Variants in CCDC3 observed in about 807,000 individuals in gnomAD.
CCDC3 encodes coiled-coil domain-containing protein 3.
A neutral mutation model predicts 21.4 loss-of-function variants in CCDC3; 24 were observed. That is an observed-to-expected ratio of 1.12 (90% CI 0.81 to 1.58). The LOEUF (loss-of-function observed/expected upper bound fraction) is 1.58, where lower values mean the gene tolerates loss of function less well. CCDC3 is among the 40% of genes most tolerant of loss of function. The pLI is 0.00. For synonymous variants in CCDC3, 186 were observed against 166.0 expected, an observed-to-expected ratio of 1.12 and a Z score of -0.93; for missense variants, 425 against 360.9, an observed-to-expected ratio of 1.18 and a Z score of -1.44.
chr10:12,919,722 C>A (rs1475491775), intron 2 of CCDC3, among the ~76,000 whole-genome samples: 1 of 151,990 alleles, frequency 6.6e-6, no homozygotes, highest in Non-Finnish European at 1.5e-5. Context: ...ATGCTCAGCA[C>A]AGACTTGTGG....
chr10:13,006,759 T>G (rs1045695339), intron 5 of CCDC3, among the ~76,000 whole-genome samples: 1 of 152,158 alleles, frequency 6.6e-6, no homozygotes. Context: ...GCACCTGGCT[T>G]ACCTTTCAGT....
At chr10:13,079,650 G>T (rs970057170) in intron 3 of CCDC3, among the ~76,000 whole-genome samples, 1 of 152,164 alleles carries the variant, frequency 6.6e-6, no homozygotes, top group Non-Finnish European at 1.5e-5. Flanking sequence ...TTAAAAAGAG[G>T]TGAAAAATCC....
At chr10:12,975,370 G>A (rs1455430149) in intron 2 of CCDC3, among the ~76,000 whole-genome samples, 1 of 152,154 alleles carries the variant, frequency 6.6e-6, no homozygotes, top group East Asian at 1.9e-4. Context: ...ACCTTCCAGA[G>A]TTCTGCTCAG....
Position 13,001,383 on chromosome 10 carries a change from G to T in CCDC3, c.188C>A (p.Pro63His). ...PEAPGLYNHL[P>H]WQYHAGQGGL... ...CCCCTGGCCGGCGTGGTACTGCCAG[G>T]GCAGGTGGTTGTAGAGGCCGGGCGC... is the stretch of plus-strand genomic sequence containing the variant. Residue 63 changes from proline (P) to histidine (H), a missense_variant, in exon 1 of 3, where the codon CCC becomes CAC. Coordinates refer to ENST00000378825, the MANE Select transcript of CCDC3 (RefSeq NM_031455.4). The T allele has an allele frequency of 6.3e-7, 1 of 1,588,482 alleles. No homozygotes were observed. Among genetic ancestry groups the T allele is most frequent in the Non-Finnish European group, 8.6e-7 (1 of 1,168,600 alleles).
chr10:12,977,363 G>A (rs776359029), intron 2 of CCDC3, among the ~76,000 whole-genome samples: 2 of 152,322 alleles, frequency 1.3e-5, no homozygotes, highest in Admixed American at 6.5e-5. Context: ...GTGTCTTTAA[G>A]AGAGTAAGCA....
chr10:12,911,802 T>C (rs1411228483), intron 2 of CCDC3, among the ~76,000 whole-genome samples: 5 of 152,216 alleles, frequency 3.3e-5, no homozygotes, highest in Non-Finnish European at 7.3e-5. Context: ...TTGAACAGCA[T>C]CTTCCAATAC....
At chr10:13,059,245 T>C (rs1186923717) in intron 4 of CCDC3, among the ~76,000 whole-genome samples, 1 of 152,234 alleles carries the variant, frequency 6.6e-6, no homozygotes, top group African/African-American at 2.4e-5. Context: ...CTATGGAAGA[T>C]GGCAGAGTCT....
intron 3 of CCDC3, among the ~76,000 whole-genome samples, chr10:13,092,915 A>C (rs1391206788): frequency 6.6e-6 from 1 of 152,204 alleles, no homozygotes; most frequent in African/African-American, 2.4e-5. Context: ...AAAAGGGTCA[A>C]GGCAACCTGG....
intron 2 of CCDC3, among the ~76,000 whole-genome samples, chr10:12,900,313 AT>A (rs1200311278): frequency 6.6e-6 from 1 of 151,954 alleles, no homozygotes; most frequent in Non-Finnish European, 1.5e-5. Context: ...CCTTTCTCCC[AT>A]TTTACCTCAT....
intron 5 of CCDC3, among the ~76,000 whole-genome samples, chr10:13,019,647 C>T (rs1836119979): frequency 6.6e-6 from 1 of 152,116 alleles, no homozygotes; most frequent in Non-Finnish European, 1.5e-5. Context: ...TGCTGGTGAC[C>T]CCACATGACT....
chr10:12,991,594 A>T (rs1835683859), intron 2 of CCDC3, among the ~76,000 whole-genome samples: 1 of 152,096 alleles, frequency 6.6e-6, no homozygotes, highest in African/African-American at 2.4e-5. Flanking sequence ...TCAGCCCCCC[A>T]AATTGCTGGG....
intron 2 of CCDC3, among the ~76,000 whole-genome samples, chr10:12,936,916 C>A (rs1834748572): frequency 6.6e-6 from 1 of 152,178 alleles, no homozygotes. Flanking sequence ...CTAGTGAGAT[C>A]CTGTCTCAAC....
intron 5 of CCDC3, among the ~76,000 whole-genome samples, chr10:13,045,058 G>A (rs938454930): frequency 1.3e-5 from 2 of 152,000 alleles, no homozygotes; most frequent in African/African-American, 4.8e-5. Flanking sequence ...AAACATACAC[G>A]AACAAGCTCA....
At chr10:12,976,605 G>A (rs1481058884) in intron 2 of CCDC3, among the ~76,000 whole-genome samples, 3 of 152,186 alleles carry the variant, frequency 2.0e-5, no homozygotes, top group East Asian at 1.9e-4. Flanking sequence ...ACACGGTATC[G>A]TTACACAAAT....
chr10:12,909,776 C>A (rs1834237286), intron 2 of CCDC3, among the ~76,000 whole-genome samples: 1 of 152,220 alleles, frequency 6.6e-6, no homozygotes, highest in African/African-American at 2.4e-5. Flanking sequence ...CCTGCTCCCT[C>A]CCCACTGGTG....
intron 2 of CCDC3, among the ~76,000 whole-genome samples, chr10:12,947,779 A>G (rs1185760739): frequency 6.6e-6 from 1 of 152,222 alleles, no homozygotes; most frequent in African/African-American, 2.4e-5. Flanking sequence ...GATGAGTTAG[A>G]GGAGAGCAGT....
chr10:12,960,153 CACACACACACACACA>C (rs1009831669), intron 2 of CCDC3, among the ~76,000 whole-genome samples: 3 of 60,068 alleles, frequency 5.0e-5, no homozygotes, highest in Admixed American at 4.7e-4. Flanking sequence ...GACTCCATTT[CACACACACACACACA>C]ACACACACAC....
intron 2 of CCDC3, among the ~76,000 whole-genome samples, chr10:12,996,674 A>G (rs958709152): frequency 2.6e-5 from 4 of 152,160 alleles, no homozygotes; most frequent in African/African-American, 7.2e-5. Context: ...CTTCACAGGA[A>G]TAGCTTCTGT....
At position 12,899,887 on chromosome 10, in the gene CCDC3, G is replaced by A. The variant is rs74616541; in HGVS notation, c.550-1208C>T. Among the ~76,000 whole-genome samples the A allele has an allele frequency of 1.3e-3, 197 of 152,318 alleles. 3 individuals carry two copies. The East Asian group carries it at 0.026, about 20-fold the overall frequency. On this transcript the variant is annotated intron_variant, in intron 2 of 2. Coordinates refer to ENST00000378825, the MANE Select transcript of CCDC3 (RefSeq NM_031455.4). ...AATTTTGTATTTCATAGGTTTGGCT[G>A]TGTCCCCACCCAAATCTCATCTTGA...
Sources: gnomAD v4.1 joint callset for allele counts (sites outside exome capture counted in the v4.1 genomes callset) on GRCh38, gnomAD v4.1.1 for gene constraint, MANE v1.5 for transcripts, NCBI Gene and HGNC (gene_info 2026-07-23, HGNC 2026-07-21) for gene names.